Variants in KCNB2 observed in about 807,000 individuals in gnomAD.
KCNB2 encodes the protein delayed rectifier potassium channel protein.
Under a neutral mutation model 61.5 loss-of-function variants are expected in KCNB2, and 15 were observed. That is an observed-to-expected ratio of 0.24 (90% CI 0.16 to 0.38). The LOEUF (loss-of-function observed/expected upper bound fraction) is 0.38. Among genes scored for constraint, KCNB2 ranks in the 10% least tolerant of loss-of-function variants. The pLI is 1.00. For missense variants in KCNB2, 828 were observed against 1,125.2 expected (o/e 0.74, Z 3.78); for synonymous variants, 457 against 446.0 (o/e 1.02, Z -0.31).
chr8:72,808,717 T>C (rs1809261429), intron 2 of KCNB2, among the ~76,000 whole-genome samples: 2 of 152,260 alleles, frequency 1.3e-5, no homozygotes, highest in South Asian at 4.1e-4. Flanking sequence ...GTACTTGACA[T>C]AGTGCCCCAC....
intron 2 of KCNB2, among the ~76,000 whole-genome samples, chr8:72,735,198 G>A (rs1443267107): frequency 6.6e-6 from 1 of 152,136 alleles, no homozygotes; most frequent in Non-Finnish European, 1.5e-5. Flanking sequence ...ATCCAGGAGT[G>A]AAGTTCCATT....
intron 2 of KCNB2, among the ~76,000 whole-genome samples, chr8:72,786,085 G>A (rs917034623): frequency 3.4e-5 from 5 of 149,046 alleles, no homozygotes; most frequent in Admixed American, 1.3e-4. Flanking sequence ...GACTTCACTC[G>A]CATTTTCACA....
intron 2 of KCNB2, among the ~76,000 whole-genome samples, chr8:72,778,278 A>C (rs1808690431): frequency 6.6e-6 from 1 of 152,168 alleles, no homozygotes; most frequent in Non-Finnish European, 1.5e-5. Context: ...ACCCTGGAAA[A>C]TGAGGATTTA....
chr8:72,855,013 A>G (rs1246349978), intron 2 of KCNB2, among the ~76,000 whole-genome samples: 2 of 152,158 alleles, frequency 1.3e-5, no homozygotes, highest in Non-Finnish European at 2.9e-5. Context: ...AGGCCTTCCC[A>G]GTGGGGACCC....
At chr8:72,795,827 G>C (rs990397833) in intron 2 of KCNB2, among the ~76,000 whole-genome samples, 3 of 152,132 alleles carry the variant, frequency 2.0e-5, no homozygotes, top group Non-Finnish European at 4.4e-5. Flanking sequence ...ACATATTCCT[G>C]TTATTCTTCA....
chr8:72,792,714 C>T (rs1323367140), intron 2 of KCNB2, among the ~76,000 whole-genome samples: 1 of 152,184 alleles, frequency 6.6e-6, no homozygotes. Flanking sequence ...GAGTTGGAAA[C>T]CACTGACGTC....
At chr8:72,882,025 C>T (rs1805715087) in intron 2 of KCNB2, among the ~76,000 whole-genome samples, 1 of 152,128 alleles carries the variant, frequency 6.6e-6, no homozygotes, top group South Asian at 2.1e-4. Flanking sequence ...CAAATAAGAG[C>T]AGTTCTGTAC....
At chr8:72,578,699 T>A (rs1227181056) in intron 2 of KCNB2, among the ~76,000 whole-genome samples, 3 of 152,208 alleles carry the variant, frequency 2.0e-5, no homozygotes, top group East Asian at 3.8e-4. Context: ...GGCAGTAAAC[T>A]GTTTTGATAG....
chr8:72,797,923 A>G (rs530782233), intron 2 of KCNB2, among the ~76,000 whole-genome samples: 1 of 152,286 alleles, frequency 6.6e-6, no homozygotes, highest in Non-Finnish European at 1.5e-5. Context: ...AAAATTTTAT[A>G]TCTGTGTCTA....
intron 1 of KCNB2, among the ~76,000 whole-genome samples, chr8:72,561,728 TC>T (rs1806525227): frequency 1.2e-4 from 1 of 8,106 alleles, no homozygotes; most frequent in African/African-American, 1.1e-3. Context: ...TATATATATA[TC>T]TATATCTATA....
In KCNB2 at chr8:72,803,218, G is replaced by A. The variant is rs548141309; in HGVS notation, c.580-132717G>A. Among the ~76,000 whole-genome samples the A allele has an allele frequency of 8.5e-4, 129 of 152,200 alleles. 1 individual carries two copies. The highest frequency in any genetic ancestry group is 1.5e-3 in the Non-Finnish European group (105 of 67,992). Reference sequence around the variant, plus strand: ...AGTCAGAGCAGATGATTGCTGACCCGGGCTGGACCCCCAAGAGCCAGCCAA... The same window carrying A: ...AGTCAGAGCAGATGATTGCTGACCCAGGCTGGACCCCCAAGAGCCAGCCAA... On this transcript the variant is annotated intron_variant, in intron 2 of 2. Coordinates refer to ENST00000523207, the MANE Select transcript of KCNB2 (RefSeq NM_004770.3).
chr8:72,607,113 G>A (rs574171013), intron 2 of KCNB2, among the ~76,000 whole-genome samples: 2 of 152,268 alleles, frequency 1.3e-5, no homozygotes, highest in East Asian at 3.9e-4. Flanking sequence ...AAAATGGGCC[G>A]ATGTCTCCTG....
At chr8:72,704,133 G>T (rs1039874076) in intron 2 of KCNB2, among the ~76,000 whole-genome samples, 2 of 152,132 alleles carry the variant, frequency 1.3e-5, no homozygotes, top group Non-Finnish European at 2.9e-5. Flanking sequence ...AGAGTTAATT[G>T]AGAGAGTTCA....
At chr8:72,589,459 C>T (rs1022684104) in intron 2 of KCNB2, among the ~76,000 whole-genome samples, 1 of 152,152 alleles carries the variant, frequency 6.6e-6, no homozygotes, top group Admixed American at 6.5e-5. Flanking sequence ...AGGAGTGGCA[C>T]CTCTCTATAA....
Position 72,710,459 on chromosome 8 carries a change from C to CATAT in KCNB2, c.579+142160_579+142163dup, listed in dbSNP as rs142371083. 3.1e-3 allele frequency among the ~76,000 whole-genome samples: 456 copies of CATAT among 149,400 alleles called. 4 individuals carry two copies. The highest frequency in any genetic ancestry group is 6.5e-3 in the African/African-American group (268 of 40,960). On this transcript the variant is annotated intron_variant, in intron 2 of 2. Coordinates refer to ENST00000523207, the MANE Select transcript of KCNB2 (RefSeq NM_004770.3). ...GGCCTTAGTTATCGTGCATGCTCTGCATATATATATATATATAAAACTAAA... is the reference window on the plus strand; with the variant it reads ...GGCCTTAGTTATCGTGCATGCTCTGCATATATATATATATATATATAAAACTAAA...
chr8:72,736,948 A>G (rs1427961220), intron 2 of KCNB2, among the ~76,000 whole-genome samples: 3 of 152,062 alleles, frequency 2.0e-5, no homozygotes, highest in Admixed American at 2.0e-4. Context: ...CTATCCTTGT[A>G]TATACATTTA....
intron 2 of KCNB2, among the ~76,000 whole-genome samples, chr8:72,823,536 C>G (rs183161052): frequency 6.6e-6 from 1 of 152,152 alleles, no homozygotes; most frequent in Non-Finnish European, 1.5e-5. Flanking sequence ...CTTCCAAGCT[C>G]CTTGTCAAAT....
chr8:72,649,517 C>T (rs1422467812), intron 2 of KCNB2, among the ~76,000 whole-genome samples: 1 of 152,126 alleles, frequency 6.6e-6, no homozygotes. Context: ...ATGAGATGAA[C>T]TGTACCCCAA....
chr8:72,619,716 TATC>T (rs1429238749), intron 2 of KCNB2, among the ~76,000 whole-genome samples: 1 of 152,158 alleles, frequency 6.6e-6, no homozygotes, highest in African/African-American at 2.4e-5. Flanking sequence ...ATCTAAATCT[TATC>T]ATCCACAAAA....
Sources: allele counts gnomAD v4.1 joint callset (sites outside exome capture counted in the v4.1 genomes callset), GRCh38; gene constraint gnomAD v4.1.1; transcripts MANE v1.5; gene names NCBI Gene and HGNC (gene_info 2026-07-23, HGNC 2026-07-21).